KCNT2: variants seen among roughly 807,000 people sequenced by gnomAD.
KCNT2 encodes the protein potassium channel subfamily T member 2.
KCNT2 carries 67 observed loss-of-function variants against 153.8 expected under a neutral mutation model. The ratio of observed to expected loss-of-function variants is 0.44; its 90% confidence interval spans 0.36 to 0.53. The LOEUF is 0.53. Ranked by LOEUF, KCNT2 falls within the 20% of genes least tolerant of loss-of-function variation. The pLI is 0.00. For missense variants in KCNT2, 975 were observed against 1,354.8 expected (o/e 0.72, Z 4.40); for synonymous variants, 500 against 458.8 (o/e 1.09, Z -1.15).
At chr1:196,365,581 A>T (rs1667970719) in intron 14 of KCNT2, among the ~76,000 whole-genome samples, 1 of 152,146 alleles carries the variant, frequency 6.6e-6, no homozygotes, top group Non-Finnish European at 1.5e-5. Flanking sequence ...GCATCCTGTT[A>T]TCTATTTGTT....
chr1:196,407,063 G>A (rs1226994309), intron 12 of KCNT2, among the ~76,000 whole-genome samples: 1 of 151,372 alleles, frequency 6.6e-6, no homozygotes, highest in Non-Finnish European at 1.5e-5. Flanking sequence ...CTGAGTTGGA[G>A]TAATTCATCC....
chr1:196,283,568 C>T (rs1659331907), intron 23 of KCNT2, among the ~76,000 whole-genome samples: 3 of 152,136 alleles, frequency 2.0e-5, no homozygotes, highest in Admixed American at 2.0e-4. Flanking sequence ...ATAGTCTTTA[C>T]AGACACAGAC....
At chr1:196,598,483 A>C (rs76685869) in intron 1 of KCNT2, among the ~76,000 whole-genome samples, 1 of 152,330 alleles carries the variant, frequency 6.6e-6, no homozygotes, top group Admixed American at 6.5e-5. Flanking sequence ...TTTTTCTTTC[A>C]GAAAGTATGA....
At chr1:196,315,632 G>T (rs1425841954) in intron 21 of KCNT2, among the ~76,000 whole-genome samples, 1 of 151,594 alleles carries the variant, frequency 6.6e-6, no homozygotes. Flanking sequence ...TGATTTTCAA[G>T]AATTTGCTAC....
At chr1:196,361,753 C>T (rs1174164123) in intron 14 of KCNT2, among the ~76,000 whole-genome samples, 1 of 152,030 alleles carries the variant, frequency 6.6e-6, no homozygotes, top group Admixed American at 6.6e-5. Context: ...CTGACTGAAA[C>T]CACTCAAAAA....
chr1:196,544,739 T>C (rs1656850429), intron 1 of KCNT2, among the ~76,000 whole-genome samples: 1 of 152,072 alleles, frequency 6.6e-6, no homozygotes, highest in East Asian at 1.9e-4. Flanking sequence ...CATCCTAATT[T>C]GTTTTCAGAC....
At chr1:196,419,873 C>G (rs920485972) in intron 12 of KCNT2, among the ~76,000 whole-genome samples, 1 of 151,934 alleles carries the variant, frequency 6.6e-6, no homozygotes, top group Non-Finnish European at 1.5e-5. Flanking sequence ...CTGACCAGCA[C>G]AGATCTTTTC....
At chr1:196,517,030 A>T (rs1321278496) in intron 1 of KCNT2, among the ~76,000 whole-genome samples, 2 of 152,078 alleles carry the variant, frequency 1.3e-5, no homozygotes. Context: ...CTCCTGGGAG[A>T]GAGCTCCCAA....
At chr1:196,420,618 A>C (rs1673118993) in intron 12 of KCNT2, among the ~76,000 whole-genome samples, 1 of 151,988 alleles carries the variant, frequency 6.6e-6, no homozygotes, top group African/African-American at 2.4e-5. Flanking sequence ...ACACAGGCAC[A>C]CACACTTTTG....
At chr1:196,281,093 C>G in intron 24 of KCNT2, 105 bp from the exon 25 acceptor site, 5 of 816,994 alleles carry the variant, frequency 6.1e-6, no homozygotes, top group Non-Finnish European at 9.8e-6. Context: ...GGCAGGGTCT[C>G]ACTCTGTCAC....
intron 1 of KCNT2, among the ~76,000 whole-genome samples, chr1:196,557,040 T>A (rs1295681337): frequency 6.6e-6 from 1 of 150,798 alleles, no homozygotes; most frequent in Non-Finnish European, 1.5e-5. Context: ...ATACAAAAAA[T>A]ATAGAGTTAG....
intron 13 of KCNT2, among the ~76,000 whole-genome samples, chr1:196,377,088 G>T (rs183099186): frequency 3.7e-4 from 57 of 152,072 alleles, no homozygotes; most frequent in African/African-American, 1.3e-3. Context: ...TAGGATTGGA[G>T]ATGACAGAGG....
intron 3 of KCNT2, among the ~76,000 whole-genome samples, chr1:196,488,791 A>G (rs1679632431): frequency 6.6e-6 from 1 of 151,976 alleles, no homozygotes. Flanking sequence ...ACCAAGTCCT[A>G]TGCTTAGTGT....
chr1:196,306,633 A>G (rs1186971288), intron 21 of KCNT2, among the ~76,000 whole-genome samples: 4 of 151,842 alleles, frequency 2.6e-5, no homozygotes, highest in African/African-American at 9.7e-5. Context: ...GGCTTCTCTG[A>G]TTATCTGCCT....
At chr1:196,589,190 TACA>T (rs1372600304) in intron 1 of KCNT2, among the ~76,000 whole-genome samples, 3 of 151,952 alleles carry the variant, frequency 2.0e-5, no homozygotes, top group African/African-American at 7.2e-5. Context: ...CATCAGTTTG[TACA>T]ACAATATCTT....
intron 1 of KCNT2, among the ~76,000 whole-genome samples, chr1:196,586,081 A>G (rs974753746): frequency 3.9e-5 from 6 of 151,910 alleles, no homozygotes; most frequent in Admixed American, 3.3e-4. Flanking sequence ...GCAACATGGC[A>G]AAACCCCATC....
At chr1:196,345,914 T>C (rs1311827894) in intron 14 of KCNT2, among the ~76,000 whole-genome samples, 1 of 152,068 alleles carries the variant, frequency 6.6e-6, no homozygotes, top group Non-Finnish European at 1.5e-5. Context: ...AAATACAAAA[T>C]GTTAAATAAA....
intron 13 of KCNT2, among the ~76,000 whole-genome samples, chr1:196,374,957 G>A (rs1351237041): frequency 6.6e-6 from 1 of 151,804 alleles, no homozygotes; most frequent in African/African-American, 2.4e-5. Context: ...AATGTAGCAT[G>A]CAATTATTAA....
At chr1:196,516,034 G>T (rs1242622138) in intron 1 of KCNT2, among the ~76,000 whole-genome samples, 1 of 152,164 alleles carries the variant, frequency 6.6e-6, no homozygotes, top group Non-Finnish European at 1.5e-5. Flanking sequence ...AGACTTCCCA[G>T]CAAAGGCAGC....
Sources: allele counts gnomAD v4.1 joint callset (sites outside exome capture counted in the v4.1 genomes callset), GRCh38; gene constraint gnomAD v4.1.1; transcripts MANE v1.5; gene names NCBI Gene and HGNC (gene_info 2026-07-23, HGNC 2026-07-21).